PIGF: variants seen among roughly 807,000 people sequenced by gnomAD.
The protein encoded by PIGF is GPI ethanolamine phosphate transferase, stabilizing subunit.
Under a neutral mutation model 26.0 loss-of-function variants are expected in PIGF, and 23 were observed. The ratio of observed to expected loss-of-function variants is 0.88; its 90% confidence interval spans 0.64 to 1.25. The LOEUF (loss-of-function observed/expected upper bound fraction) is 1.25, where lower values mean the gene tolerates loss of function less well. Ranked by LOEUF, PIGF falls within the 50% of genes most tolerant of loss-of-function variation. The pLI is 0.00. For synonymous variants in PIGF, 93 were observed against 92.6 expected (o/e 1.00, Z -0.03); for missense variants, 278 against 249.9 (o/e 1.11, Z -0.76).
intron 3 of PIGF, among the ~76,000 whole-genome samples, chr2:46,612,924 C>A (rs1157790497): frequency 1.3e-5 from 2 of 152,092 alleles, no homozygotes; most frequent in Non-Finnish European, 2.9e-5. Flanking sequence ...CAGACACATT[C>A]ATTCTGCTTT....
chr2:46,589,623 C>A lies in PIGF; in HGVS notation c.546+2852G>T, dbSNP rs1353671946. Among the ~76,000 whole-genome samples, 1 of 151,874 alleles carries A rather than the reference C, an allele frequency of 6.6e-6. No homozygotes were observed. The highest frequency in any genetic ancestry group is 1.5e-5 in the Non-Finnish European group (1 of 67,906). On this transcript the variant is annotated intron_variant, in intron 5 of 5. Transcript: ENST00000281382. The surrounding 1 kb of genome is among the most constrained non-coding windows in gnomAD (Gnocchi z 4.7). The stretch of plus-strand genomic sequence containing the variant: ...AAAGCTTGCTTTACCACAAGCAGAT[C>A]AAATCGGTATTGGGCTACAAGGAAC...
rs113098893 is a variant in PIGF at position 46,598,942 on chromosome 2, G to A, written c.438-6359C>T. On this transcript the variant is annotated intron_variant, in intron 4 of 5. Transcript: ENST00000281382. ...CACGGGGATGCACAGAACTAGGGAC[G>A]GGGTAGGAACCTGACTTTCCTTTAG... is the stretch of plus-strand genomic sequence containing the variant. Among the ~76,000 whole-genome samples the A allele has an allele frequency of 4.7e-4, 71 of 152,162 alleles. 1 individual carries two copies. The highest frequency in any genetic ancestry group is 5.9e-4 in the Admixed American group (9 of 15,276).
chr2:46,596,451 A>G (rs570625715), intron 4 of PIGF, among the ~76,000 whole-genome samples: 2 of 152,268 alleles, frequency 1.3e-5, no homozygotes, highest in East Asian at 3.9e-4. Flanking sequence ...ACTGAGACCT[A>G]TTTTTAAAAA....
chr2:46,610,679 G>A (rs562306907), intron 4 of PIGF, among the ~76,000 whole-genome samples: 2 of 151,878 alleles, frequency 1.3e-5, no homozygotes, highest in South Asian at 2.1e-4. Flanking sequence ...ACAGGCACCC[G>A]CCACCACACC....
chr2:46,609,725 CAGAG>C (rs1670345866), intron 4 of PIGF, among the ~76,000 whole-genome samples: 1 of 151,946 alleles, frequency 6.6e-6, no homozygotes, highest in Non-Finnish European at 1.5e-5. Context: ...GGGAGAGAGA[CAGAG>C]AGAACACGTT....
intron 4 of PIGF, among the ~76,000 whole-genome samples, chr2:46,601,898 C>T (rs1670068592): frequency 6.6e-6 from 1 of 151,860 alleles, no homozygotes; most frequent in Admixed American, 6.6e-5. Flanking sequence ...ATTTAGTTCA[C>T]CAAAAGTGAT....
chr2:46,613,910 T>G, intron 2 of PIGF, 125 bp from the exon 3 acceptor site: 4 of 785,790 alleles, frequency 5.1e-6, no homozygotes, highest in Non-Finnish European at 8.2e-6. Context: ...TTCTTGGGTA[T>G]ACTCAAATCA....
At chr2:46,581,627 A>AT in intron 5 of PIGF, 36 bp from the exon 6 acceptor site, 1 of 1,597,562 alleles carries the variant, frequency 6.3e-7, no homozygotes, top group South Asian at 1.1e-5. Context: ...AAAAGAACAA[A>AT]TGTTTTATTA....
intron 5 of PIGF, chr2:46,591,409 A>G (rs1669718913): frequency 2.7e-6 from 1 of 373,382 alleles, no homozygotes; most frequent in Admixed American, 6.4e-5. Flanking sequence ...AGAATTACTA[A>G]TATTGCTTTA....
At chr2:46,603,939 A>C (rs530842888) in intron 4 of PIGF, among the ~76,000 whole-genome samples, 1 of 152,256 alleles carries the variant, frequency 6.6e-6, no homozygotes, top group South Asian at 2.1e-4. Flanking sequence ...AATGGAAGAA[A>C]ATATTTCCAA....
intron 4 of PIGF, among the ~76,000 whole-genome samples, chr2:46,609,749 A>C (rs953618606): frequency 6.6e-6 from 1 of 152,136 alleles, no homozygotes; most frequent in Non-Finnish European, 1.5e-5. Flanking sequence ...TGGTAGGTGA[A>C]GCAGTCAGAA....
At chr2:46,603,772 G>A (rs1670132841) in intron 4 of PIGF, among the ~76,000 whole-genome samples, 1 of 151,950 alleles carries the variant, frequency 6.6e-6, no homozygotes. Context: ...AAACATTGGG[G>A]AAACTTTCCA....
At chr2:46,609,223 T>C (rs1289948197) in intron 4 of PIGF, among the ~76,000 whole-genome samples, 2 of 152,244 alleles carry the variant, frequency 1.3e-5, no homozygotes, top group African/African-American at 4.8e-5. Flanking sequence ...CCTCTTTCCT[T>C]AAGCCTCATG....
rs1243852492 is a variant in PIGF at position 46,612,630 on chromosome 2, A to G, written c.321-286T>C. On this transcript the variant is annotated intron_variant, in intron 3 of 5. Transcript: ENST00000281382. ...AAACACAAACAAACAAACAAAATCCATTTCTAGATAGTTAGCTTTCTGCTC... is the reference window on the plus strand; with the variant it reads ...AAACACAAACAAACAAACAAAATCCGTTTCTAGATAGTTAGCTTTCTGCTC... Among the ~76,000 whole-genome samples, 4 of 151,340 alleles carry G rather than the reference A, an allele frequency of 2.6e-5. No individual in the cohort carries two copies. The East Asian group carries it at 7.7e-4, about 29-fold the overall frequency.
At position 46,589,847 on chromosome 2, in the gene PIGF, A is replaced by C. The variant is rs1572769118; in HGVS notation, c.546+2628T>G. ...AAAAATAACAATAACAAAAAAACAA[A>C]CAACCTTGTTTGCTGGAAATAAAAA... On this transcript the variant is annotated intron_variant, in intron 5 of 5. Coordinates refer to ENST00000281382, the MANE Select transcript of PIGF (RefSeq NM_002643.4). This position sits in a 1 kb window ranked among gnomAD's most constrained non-coding sequence, Gnocchi z 4.7. Among the ~76,000 whole-genome samples, 3 of 152,072 alleles carry C rather than the reference A, an allele frequency of 2.0e-5. No individual in the cohort carries two copies. Among genetic ancestry groups the C allele is most frequent in the Admixed American group, 2.0e-4 (3 of 15,262 alleles).
At chr2:46,596,018 G>A (rs1669871758) in intron 4 of PIGF, among the ~76,000 whole-genome samples, 1 of 151,992 alleles carries the variant, frequency 6.6e-6, no homozygotes, top group Non-Finnish European at 1.5e-5. Flanking sequence ...TTCGAGACCA[G>A]CCTGGCCAAC....
intron 2 of PIGF, chr2:46,614,727 C>T (rs919850915): frequency 4.2e-6 from 2 of 471,212 alleles, no homozygotes; most frequent in African/African-American, 1.9e-5. Context: ...CTGAAGAAGT[C>T]ATAATTCCAT....
rs1488638270 is a variant in PIGF at position 46,583,764 on chromosome 2, T to TGCTAGGGAATATCAAACTA, written c.547-2174_547-2173insTAGTTTGATATTCCCTAGC. On this transcript the variant is annotated intron_variant, in intron 5 of 5. Transcript: ENST00000281382. ...GACTATTTCAAACTAGTGAAATATC[T>TGCTAGGGAATATCAAACTA]GGGAAATAAACTGCTTCAAAAATAT... 3.9e-5 allele frequency among the ~76,000 whole-genome samples: 6 copies of TGCTAGGGAATATCAAACTA among 152,296 alleles called. No individual in the cohort carries two copies. In the East Asian group the frequency reaches 9.6e-4, roughly 24 times the overall value.
intron 5 of PIGF, chr2:46,591,371 G>A (rs1426109719): frequency 8.7e-6 from 2 of 231,140 alleles, no homozygotes; most frequent in Admixed American, 6.5e-5. Flanking sequence ...GGTGGTTGGG[G>A]AGGAAAGTAA....
Sources: gnomAD v4.1 joint callset for allele counts (sites outside exome capture counted in the v4.1 genomes callset) on GRCh38, gnomAD v4.1.1 for gene constraint, Gnocchi (gnomAD v3.1) non-coding constraint, MANE v1.5 for transcripts, NCBI Gene and HGNC (gene_info 2026-07-23, HGNC 2026-07-21) for gene names.